REEP5: variants seen among roughly 807,000 people sequenced by gnomAD.
The protein encoded by REEP5 is receptor accessory protein 5.
In REEP5, 24 loss-of-function variants were observed where a neutral mutation model predicts 22.4. The observed-to-expected ratio is 1.07, with a 90% CI of 0.78 to 1.51. The LOEUF (loss-of-function observed/expected upper bound fraction) is 1.51. REEP5 is among the 40% of genes most tolerant of loss of function. The probability of loss-of-function intolerance (pLI) is 0.00; values close to 1 mark genes in which losing one functional copy is unlikely to be tolerated. For synonymous variants in REEP5, 103 were observed against 88.6 expected (o/e 1.16, Z -0.92); for missense variants, 252 against 233.0 (o/e 1.08, Z -0.53).
chr5:112,919,409 G>A (rs575129820), intron 2 of REEP5, among the ~76,000 whole-genome samples: 6 of 151,908 alleles, frequency 3.9e-5, no homozygotes, highest in East Asian at 3.9e-4. Context: ...TTACTCAGGC[G>A]TGGTGGCACA....
At chr5:112,913,504 C>T (rs1008579329) in intron 2 of REEP5, among the ~76,000 whole-genome samples, 1 of 132,090 alleles carries the variant, frequency 7.6e-6, no homozygotes, top group Admixed American at 9.1e-5. Context: ...CACCACTGCA[C>T]TGCAGCCTGG....
intron 2 of REEP5, among the ~76,000 whole-genome samples, chr5:112,919,040 T>C (rs530791384): frequency 1.3e-5 from 2 of 152,384 alleles, no homozygotes; most frequent in South Asian, 4.1e-4. Context: ...GTGCCACACA[T>C]GTGACTGGCA....
At chr5:112,899,930 G>A (rs918643407) in intron 3 of REEP5, among the ~76,000 whole-genome samples, 2 of 152,108 alleles carry the variant, frequency 1.3e-5, no homozygotes, top group Non-Finnish European at 2.9e-5. Context: ...TCATTATGTG[G>A]GCACTCAAAA....
At chr5:112,888,779 G>A (rs1768341875) in intron 3 of REEP5, among the ~76,000 whole-genome samples, 1 of 150,848 alleles carries the variant, frequency 6.6e-6, no homozygotes, top group Admixed American at 6.6e-5. Flanking sequence ...CCAGTGACTT[G>A]GGAGGCCAAG....
chr5:112,892,166 A>G (rs753636327), intron 3 of REEP5: 7 of 1,614,212 alleles, frequency 4.3e-6, no homozygotes, highest in Non-Finnish European at 5.9e-6. Flanking sequence ...GATCGAGCTA[A>G]TTGTCCCTTC....
rs1294645612 is a variant in REEP5 at position 112,878,840 on chromosome 5, T to A, written c.521-5A>T. ...AATTCACGGTAGCTTTCTTCGCTGTTTGTTTGTTAGGAGGGAAAGAAAAAT... is the reference window on the plus strand; with the variant it reads ...AATTCACGGTAGCTTTCTTCGCTGTATGTTTGTTAGGAGGGAAAGAAAAAT... On this transcript the variant is annotated splice_region_variant and splice_polypyrimidine_tract_variant and intron_variant, in intron 4 of 4. Coordinates refer to ENST00000379638, the MANE Select transcript of REEP5 (RefSeq NM_005669.5). 1 of 1,613,864 alleles carries A rather than the reference T, an allele frequency of 6.2e-7. No homozygotes were observed. Among genetic ancestry groups the A allele is most frequent in the Non-Finnish European group, 8.5e-7 (1 of 1,179,984 alleles).
chr5:112,921,299 C>G (rs780051018), intron 1 of REEP5, 43 bp from the exon 2 acceptor site: 69 of 1,593,586 alleles, frequency 4.3e-5, no homozygotes, highest in Non-Finnish European at 5.8e-5. Context: ...AGCATGAGAG[C>G]CGTTCACGCG....
At chr5:112,903,749 A>T (rs909235793) in intron 2 of REEP5, among the ~76,000 whole-genome samples, 2 of 152,174 alleles carry the variant, frequency 1.3e-5, no homozygotes, top group Non-Finnish European at 2.9e-5. Flanking sequence ...AAGGGGAAAA[A>T]TTGTAGCTCA....
chr5:112,886,292 C>T (rs1020011569), intron 4 of REEP5, among the ~76,000 whole-genome samples: 2 of 152,082 alleles, frequency 1.3e-5, no homozygotes, highest in Non-Finnish European at 2.9e-5. Context: ...CCAAGGTATT[C>T]GATATGTTAC....
At chr5:112,882,897 A>T (rs78758445) in intron 4 of REEP5, among the ~76,000 whole-genome samples, 5,311 of 152,228 alleles carry the variant, frequency 0.035, 227 homozygotes, top group East Asian at 0.16. Context: ...TTAGAAAGTC[A>T]CTTCTGTAGG....
At chr5:112,912,011 G>T (rs1580753360) in intron 2 of REEP5, among the ~76,000 whole-genome samples, 2 of 152,240 alleles carry the variant, frequency 1.3e-5, no homozygotes, top group South Asian at 4.1e-4. Context: ...CTATGACTAT[G>T]ATTAAGTCAA....
intron 4 of REEP5, chr5:112,882,171 C>T (rs1168288351): frequency 6.5e-6 from 1 of 152,754 alleles, no homozygotes; most frequent in African/African-American, 2.4e-5. Flanking sequence ...TCCAATAACC[C>T]TTATATTCCA....
chr5:112,891,065 A>G (rs189452684), intron 3 of REEP5, among the ~76,000 whole-genome samples: 1 of 150,308 alleles, frequency 6.7e-6, no homozygotes, highest in East Asian at 2.0e-4. Flanking sequence ...TATTTAAGCA[A>G]ATATTTATTT....
chr5:112,912,381 A>G (rs150427456), intron 2 of REEP5, among the ~76,000 whole-genome samples: 2,426 of 152,282 alleles, frequency 0.016, 60 homozygotes, highest in African/African-American at 0.055. Context: ...AGTTGTACCA[A>G]TATCAACTAT....
rs1420309975 is a variant in REEP5, at chr5:112,880,002, T to C, written c.521-1167A>G. Among the ~76,000 whole-genome samples, 4 of 152,144 alleles carry C rather than the reference T, an allele frequency of 2.6e-5. No individual in the cohort carries two copies. In the East Asian group the frequency reaches 7.8e-4, roughly 29 times the overall value. ...ATGAATGCTATATAAATTGTTGTTA[T>C]ACTAAATTGTTTTTAAAATCTGTAT... On this transcript the variant is annotated intron_variant, in intron 4 of 4. Coordinates refer to ENST00000379638, the MANE Select transcript of REEP5 (RefSeq NM_005669.5).
chr5:112,883,222 G>T (rs1413182773), intron 4 of REEP5, among the ~76,000 whole-genome samples: 1 of 152,204 alleles, frequency 6.6e-6, no homozygotes, highest in Non-Finnish European at 1.5e-5. Flanking sequence ...TCAAAAGAAA[G>T]ATCTATATTC....
chr5:112,895,887 C>T (rs1367597303), intron 3 of REEP5: 1 of 152,196 alleles, frequency 6.6e-6, no homozygotes, highest in African/African-American at 2.4e-5. Flanking sequence ...CCCACTGCTG[C>T]CTGCAGTTCA....
At chr5:112,882,984 G>A (rs1021099286) in intron 4 of REEP5, among the ~76,000 whole-genome samples, 5 of 152,044 alleles carry the variant, frequency 3.3e-5, no homozygotes, top group Admixed American at 1.3e-4. Flanking sequence ...CCAGCTCTTC[G>A]ACCAATCCCT....
chr5:112,909,938 CAAGT>C (rs1769056552), intron 2 of REEP5, among the ~76,000 whole-genome samples: 1 of 152,192 alleles, frequency 6.6e-6, no homozygotes, highest in Non-Finnish European at 1.5e-5. Flanking sequence ...ACCCATGACA[CAAGT>C]AAGCTGTACA....
Sources: gnomAD v4.1 joint callset for allele counts (sites outside exome capture counted in the v4.1 genomes callset) on GRCh38, gnomAD v4.1.1 for gene constraint, MANE v1.5 for transcripts, NCBI Gene and HGNC (gene_info 2026-07-23, HGNC 2026-07-21) for gene names.